Variants in CNBD1 observed in about 807,000 individuals in gnomAD.
CNBD1 encodes cyclic nucleotide-binding domain-containing protein 1.
In CNBD1, 71 loss-of-function variants were observed where a neutral mutation model predicts 54.4. That is an observed-to-expected ratio of 1.30 (90% CI 1.08 to 1.59). CNBD1 has a LOEUF of 1.59. CNBD1 is among the 40% of genes most tolerant of loss of function. CNBD1 has a pLI of 0.00. For missense variants in CNBD1, 659 were observed against 518.0 expected (o/e 1.27, Z -2.64); for synonymous variants, 182 against 170.7 (o/e 1.07, Z -0.51).
intron 4 of CNBD1, among the ~76,000 whole-genome samples, chr8:87,137,118 ATTTT>A (rs1248221584): frequency 3.2e-5 from 4 of 126,212 alleles, no homozygotes; most frequent in African/African-American, 1.2e-4. Flanking sequence ...TATATATTAT[ATTTT>A]TATTATATAT....
intron 4 of CNBD1, among the ~76,000 whole-genome samples, chr8:86,982,955 A>G (rs1460210114): frequency 1.3e-5 from 2 of 152,216 alleles, no homozygotes; most frequent in African/African-American, 4.8e-5. Context: ...TTTGTGTTTT[A>G]TAACTTTAAA....
intron 5 of CNBD1, among the ~76,000 whole-genome samples, chr8:87,230,419 C>T (rs995737752): frequency 2.0e-5 from 3 of 152,114 alleles, no homozygotes; most frequent in Admixed American, 6.5e-5. Flanking sequence ...TCTATATATA[C>T]ATTTTATACA....
chr8:87,364,162 A>G (rs1228397149), intron 10 of CNBD1, among the ~76,000 whole-genome samples: 1 of 151,712 alleles, frequency 6.6e-6, no homozygotes, highest in Non-Finnish European at 1.5e-5. Context: ...GACATTTAAA[A>G]TTAATTTTTA....
At chr8:87,145,103 A>G (rs1188043864) in intron 4 of CNBD1, among the ~76,000 whole-genome samples, 2 of 152,202 alleles carry the variant, frequency 1.3e-5, no homozygotes, top group African/African-American at 4.8e-5. Flanking sequence ...TTTATAGCAT[A>G]TGCTATTAAG....
At chr8:87,370,416 A>C (rs1271929145) in intron 10 of CNBD1, among the ~76,000 whole-genome samples, 13 of 152,206 alleles carry the variant, frequency 8.5e-5, no homozygotes, top group Admixed American at 7.9e-4. Context: ...AATGATTGCC[A>C]TTCTAACTGG....
chr8:86,944,686 G>A (rs1807423820), intron 4 of CNBD1, among the ~76,000 whole-genome samples: 1 of 152,200 alleles, frequency 6.6e-6, no homozygotes, highest in South Asian at 2.1e-4. Context: ...GGTGGAAATA[G>A]TGCTTCAGAG....
chr8:87,072,177 TC>T (rs1190498934), intron 4 of CNBD1, among the ~76,000 whole-genome samples: 1 of 152,088 alleles, frequency 6.6e-6, no homozygotes, highest in Non-Finnish European at 1.5e-5. Context: ...TTTCCTCCAT[TC>T]CTTTATTTTG....
intron 3 of CNBD1, among the ~76,000 whole-genome samples, chr8:86,932,688 C>A (rs1809476922): frequency 6.6e-6 from 1 of 151,000 alleles, no homozygotes; most frequent in Non-Finnish European, 1.5e-5. Flanking sequence ...TGGGGCCAGG[C>A]CATAGTGCAG....
chr8:87,366,377 C>T (rs1356401993), intron 10 of CNBD1, among the ~76,000 whole-genome samples: 1 of 152,032 alleles, frequency 6.6e-6, no homozygotes, highest in Non-Finnish European at 1.5e-5. Flanking sequence ...CTGAGGGTCA[C>T]TCTCAGCCAT....
intron 6 of CNBD1, among the ~76,000 whole-genome samples, chr8:87,255,999 ATATATATATATATATATTTTTTTTT>A (rs1808005712): frequency 6.5e-5 from 1 of 15,400 alleles, no homozygotes; most frequent in Non-Finnish European, 1.1e-4. Context: ...ATATATATAT[ATATATATATATATATATTTTTTTTT>A]TTTTTTTTTT....
intron 8 of CNBD1, among the ~76,000 whole-genome samples, chr8:87,332,071 G>T (rs1809845682): frequency 6.6e-6 from 1 of 151,940 alleles, no homozygotes; most frequent in Non-Finnish European, 1.5e-5. Context: ...TTTAAGGCTG[G>T]GCGTTGGGGC....
chr8:87,324,589 G>T (rs369060380), intron 8 of CNBD1, among the ~76,000 whole-genome samples: 2 of 147,754 alleles, frequency 1.4e-5, no homozygotes, highest in South Asian at 4.2e-4. Flanking sequence ...GTTTATTTGC[G>T]TAGAGGTGTT....
chr8:87,038,351 C>CA (rs1809993333), intron 4 of CNBD1, among the ~76,000 whole-genome samples: 1 of 152,140 alleles, frequency 6.6e-6, no homozygotes, highest in African/African-American at 2.4e-5. Context: ...ATGTAGGAGA[C>CA]AGAGTTATTA....
intron 4 of CNBD1, among the ~76,000 whole-genome samples, chr8:86,941,931 T>A (rs1177984985): frequency 6.6e-6 from 1 of 152,174 alleles, no homozygotes; most frequent in South Asian, 2.1e-4. Flanking sequence ...GTAGAGAAGA[T>A]CCTGATGTAC....
intron 2 of CNBD1, among the ~76,000 whole-genome samples, chr8:87,394,395 C>T (rs1811372347): frequency 1.3e-5 from 2 of 151,806 alleles, no homozygotes; most frequent in Non-Finnish European, 1.5e-5. Flanking sequence ...ATTTGAATCC[C>T]AGACACGAAC....
chr8:87,292,072 C>A (rs1010530827), intron 8 of CNBD1, among the ~76,000 whole-genome samples: 2 of 152,132 alleles, frequency 1.3e-5, no homozygotes, highest in African/African-American at 4.8e-5. Context: ...GGCATTAATT[C>A]TCTCTGTTTG....
intron 4 of CNBD1, among the ~76,000 whole-genome samples, chr8:87,014,280 T>G (rs1339001521): frequency 6.6e-6 from 1 of 152,022 alleles, no homozygotes; most frequent in Non-Finnish European, 1.5e-5. Flanking sequence ...TAGCAGTTTT[T>G]TTTTTTTGCA....
intron 6 of CNBD1, among the ~76,000 whole-genome samples, chr8:87,256,605 C>G (rs995494637): frequency 1.3e-5 from 2 of 151,610 alleles, no homozygotes; most frequent in African/African-American, 4.9e-5. Flanking sequence ...CCCTCTTGGG[C>G]CATGAATTCT....
At chr8:86,974,749 T>A (rs141712677) in intron 4 of CNBD1, among the ~76,000 whole-genome samples, 3,003 of 152,098 alleles carry the variant, frequency 0.02, 39 homozygotes, top group Non-Finnish European at 0.03. Flanking sequence ...ATACACATGA[T>A]GAATTATAAA....
Sources: gnomAD v4.1 joint callset for allele counts (sites outside exome capture counted in the v4.1 genomes callset) on GRCh38, gnomAD v4.1.1 for gene constraint, MANE v1.5 for transcripts, NCBI Gene and HGNC (gene_info 2026-07-23, HGNC 2026-07-21) for gene names.